CYLC1: variants seen among roughly 807,000 people sequenced by gnomAD.
CYLC1 encodes cylicin-1.
Under a neutral mutation model 31.6 loss-of-function variants are expected in CYLC1, and 2 were observed. The observed-to-expected ratio is 0.06, with a 90% CI of 0.03 to 0.20. CYLC1 has a LOEUF of 0.20. Ranked by LOEUF, CYLC1 falls within the 10% of genes least tolerant of loss-of-function variation. The pLI is 1.00. For missense variants in CYLC1, 595 were observed against 424.1 expected, an observed-to-expected ratio of 1.40 and a Z score of -3.54; for synonymous variants, 185 against 153.0, an observed-to-expected ratio of 1.21 and a Z score of -1.54.
chrX:83,877,627 T>A (rs6622823), intron 4 of CYLC1, among the ~76,000 whole-genome samples: 1 of 107,058 alleles, frequency 9.3e-6, no homozygotes, highest in South Asian at 4.0e-4. Flanking sequence ...GATCTTTGCA[T>A]GTCTATTCCT....
rs889669885 is a variant in CYLC1 at position 83,880,810 on chromosome X, T to G, written c.1924-5742T>G. Among the ~76,000 whole-genome samples, 6 of 111,507 alleles carry G rather than the reference T, an allele frequency of 5.4e-5. 1 individual carries two copies. In the Middle Eastern group the frequency reaches 0.014, roughly 256 times the overall value. ...GTGGCTTTTAATTTCATCCAGGTTA[T>G]ATGAGCACAATGTAAAAGAAACCAA... is the stretch of plus-strand genomic sequence containing the variant. On this transcript the variant is annotated intron_variant, in intron 4 of 4. Coordinates refer to ENST00000329312, the MANE Select transcript of CYLC1 (RefSeq NM_021118.3).
chrX:83,875,199 T>C (rs1397018076), intron 4 of CYLC1, among the ~76,000 whole-genome samples: 2 of 111,429 alleles, frequency 1.8e-5, no homozygotes, highest in Non-Finnish European at 3.8e-5. Flanking sequence ...GAAATAACTA[T>C]ATCTTCTCTA....
intron 4 of CYLC1, among the ~76,000 whole-genome samples, chrX:83,878,731 C>T (rs2031866289): frequency 9.6e-6 from 1 of 104,011 alleles, no homozygotes; most frequent in African/African-American, 3.5e-5. Context: ...AGGGTAGTCA[C>T]AAAAATGCAC....
At chrX:83,869,829 T>C (rs2031640070) in intron 1 of CYLC1, 36 bp from the exon 2 acceptor site, 2 of 701,823 alleles carry the variant, frequency 2.8e-6, no homozygotes, top group African/African-American at 2.2e-5. Flanking sequence ...TTGCCCATAA[T>C]ACAAATTTAA....
intron 4 of CYLC1, among the ~76,000 whole-genome samples, chrX:83,876,916 A>G (rs1416878508): frequency 2.7e-5 from 3 of 111,132 alleles, no homozygotes; most frequent in Non-Finnish European, 5.7e-5. Flanking sequence ...AATATTATCT[A>G]TGTATTGATG....
chrX:83,871,726 A>C (rs995180048), intron 3 of CYLC1, among the ~76,000 whole-genome samples, 156 bp downstream of exon 3: 4 of 111,047 alleles, frequency 3.6e-5, no homozygotes, highest in Non-Finnish European at 7.6e-5. Flanking sequence ...TACCTGCTTT[A>C]GATTAAGCTC....
At chrX:83,883,511 G>T (rs990356137) in intron 4 of CYLC1, among the ~76,000 whole-genome samples, 2 of 111,412 alleles carry the variant, frequency 1.8e-5, no homozygotes, top group African/African-American at 6.5e-5. Context: ...TTCACCTAGG[G>T]AATAAAAATT....
In CYLC1 at chrX:83,874,002, G is replaced by T. The variant is rs1276813420; in HGVS notation, c.1294G>T (p.Asp432Tyr). 1 of 1,188,674 alleles carries T rather than the reference G, an allele frequency of 8.4e-7. No individual in the cohort carries two copies. The highest frequency in any genetic ancestry group is 1.1e-6 in the Non-Finnish European group (1 of 884,532). Reference protein sequence around the residue: ...EKKDKKDSKTDNKKSVKNDEE... With the variant: ...EKKDKKDSKTYNKKSVKNDEE... ...AAAGGATAAAAAAGATTCAAAGACA[G>T]ATAATAAAAAGTCTGTCAAGAATGA... The change falls in exon 4 of 5, where the codon GAT becomes TAT. Residue 432 changes from aspartate (D) to tyrosine (Y), a missense_variant. Transcript: ENST00000329312.
At chrX:83,867,738 A>G (rs1056481721) in intron 1 of CYLC1, among the ~76,000 whole-genome samples, 1 of 111,087 alleles carries the variant, frequency 9.0e-6, no homozygotes, top group Non-Finnish European at 1.9e-5. Context: ...AATTTTGGTG[A>G]TTACATTTTG....
At chrX:83,867,882 T>A (rs2031612505) in intron 1 of CYLC1, among the ~76,000 whole-genome samples, 1 of 111,848 alleles carries the variant, frequency 8.9e-6, no homozygotes, top group African/African-American at 3.2e-5. Flanking sequence ...TTTTTATTAT[T>A]CAGCCTTCAA....
intron 1 of CYLC1, among the ~76,000 whole-genome samples, chrX:83,868,548 C>T (rs2031621144): frequency 9.0e-6 from 1 of 110,794 alleles, no homozygotes; most frequent in South Asian, 3.8e-4. Context: ...TTTAGGTCTT[C>T]AGTCTATCTG....
intron 1 of CYLC1, among the ~76,000 whole-genome samples, chrX:83,869,173 A>G (rs2031630980): frequency 9.1e-6 from 1 of 109,626 alleles, no homozygotes. Context: ...ATATTTTCTA[A>G]ATGTTTTTTC....
chrX:83,875,806 G>A (rs922715530), intron 4 of CYLC1, among the ~76,000 whole-genome samples: 3 of 110,831 alleles, frequency 2.7e-5, no homozygotes, highest in Non-Finnish European at 5.7e-5. Flanking sequence ...TCATTTACAT[G>A]ATTTCTGGGC....
chrX:83,872,718 T>C (rs748842258), intron 3 of CYLC1, among the ~76,000 whole-genome samples, 168 bp from the exon 4 acceptor site: 18 of 91,993 alleles, frequency 2.0e-4, no homozygotes, highest in East Asian at 1.1e-3. Flanking sequence ...GTCTCTCTCT[T>C]ACACACACAC....
intron 2 of CYLC1, among the ~76,000 whole-genome samples, chrX:83,870,512 T>A (rs1446405458): frequency 9.0e-6 from 1 of 111,412 alleles, no homozygotes; most frequent in Non-Finnish European, 1.9e-5. Context: ...TAATTTAACC[T>A]CTCCCTCTCT....
At chrX:83,871,869 GA>G (rs1178624814) in intron 3 of CYLC1, among the ~76,000 whole-genome samples, 2 of 111,030 alleles carry the variant, frequency 1.8e-5, no homozygotes, top group East Asian at 5.7e-4. Flanking sequence ...TATTAGAGCA[GA>G]AACTGATCTT....
intron 4 of CYLC1, among the ~76,000 whole-genome samples, chrX:83,885,851 A>C (rs934767753): frequency 1.8e-5 from 2 of 110,252 alleles, no homozygotes; most frequent in Non-Finnish European, 3.8e-5. Flanking sequence ...TATACTTATA[A>C]ATTAATGTAT....
intron 1 of CYLC1, among the ~76,000 whole-genome samples, chrX:83,863,681 G>A (rs1206745750): frequency 1.8e-5 from 2 of 111,111 alleles, no homozygotes; most frequent in East Asian, 2.8e-4. Flanking sequence ...ATGCTACCTG[G>A]CAATTACATT....
chrX:83,882,039 T>C (rs1191607863), intron 4 of CYLC1, among the ~76,000 whole-genome samples: 2 of 111,403 alleles, frequency 1.8e-5, no homozygotes, highest in Non-Finnish European at 3.8e-5. Flanking sequence ...TTGTTTTAAT[T>C]TGAAGCCATC....
Sources: allele counts gnomAD v4.1 joint callset (sites outside exome capture counted in the v4.1 genomes callset), GRCh38; gene constraint gnomAD v4.1.1; transcripts MANE v1.5; gene names NCBI Gene and HGNC (gene_info 2026-07-23, HGNC 2026-07-21).